Variants in LYPD6B observed in about 807,000 individuals in gnomAD.
LYPD6B encodes the protein ly6/PLAUR domain-containing protein 6B.
Under a neutral mutation model 22.8 loss-of-function variants are expected in LYPD6B, and 17 were observed. The ratio of observed to expected loss-of-function variants is 0.75; its 90% CI spans 0.51 to 1.12. The LOEUF (loss-of-function observed/expected upper bound fraction) is 1.12. LYPD6B is among the 50% of genes most tolerant of loss of function. The pLI is 0.00. For missense variants in LYPD6B, 221 were observed against 258.3 expected (o/e 0.86, Z 0.99); for synonymous variants, 106 against 91.6 (o/e 1.16, Z -0.90).
At chr2:149,081,537 C>T (rs16826488) in intron 1 of LYPD6B, among the ~76,000 whole-genome samples, 66,943 of 151,920 alleles carry the variant, frequency 0.44, 15,214 homozygotes, top group African/African-American at 0.54. Context: ...TTCAGGCCTC[C>T]CTTACAACCC....
chr2:149,132,391 A>G (rs1688084831), intron 2 of LYPD6B, among the ~76,000 whole-genome samples: 1 of 151,684 alleles, frequency 6.6e-6, no homozygotes, highest in African/African-American at 2.4e-5. Context: ...ATAGAAAAGT[A>G]CATAGGTTAA....
intron 1 of LYPD6B, among the ~76,000 whole-genome samples, chr2:149,055,714 C>T (rs192287042): frequency 1.4e-4 from 22 of 152,234 alleles, no homozygotes; most frequent in African/African-American, 4.6e-4. Flanking sequence ...TCTTGTGTTT[C>T]GATCTTGTAT....
rs540644976 is a variant in LYPD6B, at chr2:149,066,500, AT to A, written c.-67+27700del. On this transcript the variant is annotated intron_variant, in intron 1 of 6. Coordinates refer to ENST00000409642, the MANE Select transcript of LYPD6B (RefSeq NM_177964.5). ...CTTCATCCATGTCCCTACAAAGGACATGAACTCATCATTTTTTATGGCTGCA... is the reference window on the plus strand; with the variant it reads ...CTTCATCCATGTCCCTACAAAGGACAGAACTCATCATTTTTTATGGCTGCA... Among the ~76,000 whole-genome samples the A allele has an allele frequency of 8.5e-5, 13 of 152,182 alleles. No individual in the cohort carries two copies. The South Asian group carries it at 2.3e-3, about 27-fold the overall frequency.
intron 3 of LYPD6B, among the ~76,000 whole-genome samples, chr2:149,200,325 G>A (rs1423192689): frequency 2.0e-5 from 3 of 152,108 alleles, no homozygotes; most frequent in Non-Finnish European, 4.4e-5. Flanking sequence ...CCTTTGTTTA[G>A]TCTCTTCTTT....
In LYPD6B at chr2:149,077,946, T is replaced by G. The variant is rs75878293; in HGVS notation, c.-67+39145T>G. On this transcript the variant is annotated intron_variant, in intron 1 of 6. Transcript: ENST00000409642. The stretch of plus-strand genomic sequence containing the variant: ...GTGTAGCTTTGGGCTGAAGCTGAGT[T>G]TTCCTCCATGAAGCAACTGCTGCTG... Among the ~76,000 whole-genome samples, 2,920 of 148,160 alleles carry G rather than the reference T, an allele frequency of 0.02. 248 individuals are homozygous for G. In the East Asian group the frequency reaches 0.28, roughly 14 times the overall value.
At chr2:149,052,859 CAT>C (rs1359627806) in intron 1 of LYPD6B, among the ~76,000 whole-genome samples, 1 of 152,108 alleles carries the variant, frequency 6.6e-6, no homozygotes, top group Non-Finnish European at 1.5e-5. Flanking sequence ...GGAAAATAAA[CAT>C]AAAGAGAAGA....
chr2:149,103,759 C>T (rs9784080), intron 1 of LYPD6B, among the ~76,000 whole-genome samples: 51,641 of 142,960 alleles, frequency 0.36, 9,792 homozygotes, highest in Non-Finnish European at 0.39. Flanking sequence ...TGTTCATACA[C>T]GTTGTGCATA....
chr2:149,085,922 A>C (rs1236427134), intron 1 of LYPD6B, among the ~76,000 whole-genome samples: 1 of 152,190 alleles, frequency 6.6e-6, no homozygotes, highest in African/African-American at 2.4e-5. Flanking sequence ...AAGGCTGATC[A>C]GTGAGGACTG....
intron 5 of LYPD6B, among the ~76,000 whole-genome samples, chr2:149,212,380 CAAA>C (rs386391473): frequency 2.8e-4 from 17 of 60,126 alleles, no homozygotes; most frequent in African/African-American, 9.8e-4. Context: ...GACTCCGTCT[CAAA>C]AAAAAAAAAA....
rs1694104916 is a variant in LYPD6B at position 149,215,080 on chromosome 2, T to C, written c.*370T>C. On this transcript the variant is annotated 3_prime_UTR_variant, in exon 7 of 7. Coordinates refer to ENST00000409642, the MANE Select transcript of LYPD6B (RefSeq NM_177964.5). ...CTGCCAGGTCAAACCCTCTTGTTTA[T>C]GTGATTAGCTCAGAGCATCTCTATG... 1 of 221,092 alleles carries C rather than the reference T, an allele frequency of 4.5e-6. No homozygotes were observed. The highest frequency in any genetic ancestry group is 9.1e-6 in the Non-Finnish European group (1 of 110,144). 13.7% of individuals were successfully genotyped at this position (221,092 alleles called of 1,614,324 possible). A position where few individuals can be genotyped will look rare whatever the true frequency, so the allele number is the denominator to read the frequency against.
intron 3 of LYPD6B, among the ~76,000 whole-genome samples, chr2:149,191,045 T>C (rs1692455620): frequency 6.6e-6 from 1 of 152,144 alleles, no homozygotes; most frequent in African/African-American, 2.4e-5. Flanking sequence ...ATTTTAAGCT[T>C]ATACAAATAG....
At chr2:149,129,341 T>A (rs1687887489) in intron 1 of LYPD6B, among the ~76,000 whole-genome samples, 1 of 152,204 alleles carries the variant, frequency 6.6e-6, no homozygotes, top group Non-Finnish European at 1.5e-5. Flanking sequence ...TTACAAAATA[T>A]AGGAAGCAGG....
chr2:149,113,085 A>C (rs1686838495), intron 1 of LYPD6B, among the ~76,000 whole-genome samples: 1 of 152,340 alleles, frequency 6.6e-6, no homozygotes, highest in South Asian at 2.1e-4. Flanking sequence ...GGAATGCATC[A>C]GAAAAATAAA....
At chr2:149,209,735 C>T (rs796259305) in intron 5 of LYPD6B, among the ~76,000 whole-genome samples, 23 of 152,166 alleles carry the variant, frequency 1.5e-4, no homozygotes, top group Admixed American at 5.9e-4. Context: ...CACAAATGGC[C>T]GTGGCATCCA....
chr2:149,074,119 G>T (rs1684771786), intron 1 of LYPD6B, among the ~76,000 whole-genome samples: 1 of 152,158 alleles, frequency 6.6e-6, no homozygotes, highest in African/African-American at 2.4e-5. Flanking sequence ...CGTAAAGAAG[G>T]TGTCTGCTGT....
intron 1 of LYPD6B, among the ~76,000 whole-genome samples, chr2:149,087,409 G>A (rs1297293731): frequency 6.6e-6 from 1 of 152,072 alleles, no homozygotes; most frequent in Non-Finnish European, 1.5e-5. Context: ...TTCTTTAATA[G>A]TTGTAATATG....
At chr2:149,086,875 C>A (rs1051552910) in intron 1 of LYPD6B, among the ~76,000 whole-genome samples, 2 of 152,160 alleles carry the variant, frequency 1.3e-5, no homozygotes, top group Non-Finnish European at 2.9e-5. Context: ...CTCTCTGAAA[C>A]CATCTGTGTC....
chr2:149,129,315 C>T (rs1413003506), intron 1 of LYPD6B, among the ~76,000 whole-genome samples: 2 of 152,158 alleles, frequency 1.3e-5, no homozygotes, highest in Admixed American at 6.5e-5. Flanking sequence ...TAAATGATTT[C>T]GACAAGCTTG....
At chr2:149,179,004 T>C (rs917926177) in intron 3 of LYPD6B, among the ~76,000 whole-genome samples, 1 of 152,208 alleles carries the variant, frequency 6.6e-6, no homozygotes, top group African/African-American at 2.4e-5. Context: ...ATTAGCCAAT[T>C]TGTAGATTGC....
Sources: gnomAD v4.1 joint callset for allele counts (sites outside exome capture counted in the v4.1 genomes callset) on GRCh38, gnomAD v4.1.1 for gene constraint, MANE v1.5 for transcripts, NCBI Gene and HGNC (gene_info 2026-07-23, HGNC 2026-07-21) for gene names.